MICALL1: variants seen among roughly 807,000 people sequenced by gnomAD.
MICALL1 encodes MICAL-like protein 1.
Under a neutral mutation model 83.7 loss-of-function variants are expected in MICALL1, and 61 were observed. The observed-to-expected ratio is 0.73, with a 90% confidence interval of 0.59 to 0.90. The LOEUF (loss-of-function observed/expected upper bound fraction) is 0.90, where lower values mean the gene tolerates loss of function less well. MICALL1 is among the 40% of genes least tolerant of loss of function. The pLI, the probability that MICALL1 is intolerant of heterozygous loss-of-function variation, is 0.00. For missense variants in MICALL1, 1,066 were observed against 1,152.0 expected (o/e 0.93, Z 1.08); for synonymous variants, 481 against 473.6 (o/e 1.02, Z -0.20).
chr22:37,909,196 G>A (rs759474851), intron 1 of MICALL1, among the ~76,000 whole-genome samples: 1 of 152,044 alleles, frequency 6.6e-6, no homozygotes, highest in Non-Finnish European at 1.5e-5. Flanking sequence ...GGGATTACAG[G>A]CACGCACCAC....
chr22:37,925,696 C>T lies in MICALL1; in HGVS notation c.1118C>T (p.Thr373Met), dbSNP rs1284391323. ...PAPRKDPPWI[T>M]LVQAEPKKKP... is the part of the protein sequence containing the mutation. ...CCCAGGAAGGACCCCCCATGGATCA[C>T]GCTGGTGCAGGCAGAACCAAAGAAG... Residue 373 changes from threonine (T) to methionine (M), a missense_variant, in exon 8 of 16, where the codon ACG becomes ATG. Transcript: ENST00000215957. 8.7e-6 allele frequency: 14 copies of T among 1,609,738 alleles called. No individual in the cohort carries two copies. The highest frequency in any genetic ancestry group is 6.6e-5 in the South Asian group (6 of 90,776).
chr22:37,939,772 T>C (rs1601840649), intron 15 of MICALL1, among the ~76,000 whole-genome samples: 1 of 31,858 alleles, frequency 3.1e-5, no homozygotes, highest in Non-Finnish European at 5.7e-5. Context: ...AGTCTCCGTC[T>C]CAAAAAAAAA....
chr22:37,934,382 G>T (rs1929968571), intron 13 of MICALL1, among the ~76,000 whole-genome samples: 1 of 152,024 alleles, frequency 6.6e-6, no homozygotes, highest in South Asian at 2.1e-4. Flanking sequence ...GTGTAGACTG[G>T]GGACATAACT....
intron 3 of MICALL1, among the ~76,000 whole-genome samples, chr22:37,912,908 G>A (rs926405669): frequency 2.6e-5 from 4 of 150,954 alleles, no homozygotes; most frequent in East Asian, 2.0e-4. Context: ...TGATCTGCCC[G>A]CCTTGGCCTC....
Position 37,930,420 on chromosome 22 carries a change from C to A in MICALL1, c.1882-1379C>A, listed in dbSNP as rs1929725995. On this transcript the variant is annotated intron_variant, in intron 9 of 15. Transcript: ENST00000215957. This position sits in a 1 kb window ranked among gnomAD's most constrained non-coding sequence, Gnocchi z 4.8. ...GTGCCCAGACCTGGGCCCCAGCACC[C>A]TCCCTGCTTCAGAAACCCCAGAGCA... 6.6e-6 allele frequency among the ~76,000 whole-genome samples: 1 copy of A among 152,178 alleles called. No individual in the cohort carries two copies. The highest frequency in any genetic ancestry group is 1.5e-5 in the Non-Finnish European group (1 of 68,022).
At position 37,937,276 on chromosome 22, in the gene MICALL1, T is replaced by A. The variant is rs1601837985; in HGVS notation, c.2423+82T>A. On this transcript the variant is annotated intron_variant, in intron 14 of 15. Coordinates refer to ENST00000215957, the MANE Select transcript of MICALL1 (RefSeq NM_033386.4). ...GGGCCTCATGGGTGGGGCAGCTCCC[T>A]GGAGAGCCAAAGACACAGTCCACGC... 12 of 1,189,804 alleles carry A rather than the reference T, an allele frequency of 1.0e-5. No homozygotes were observed. In the East Asian group the frequency reaches 3.1e-4, roughly 30 times the overall value. 73.7% of individuals were successfully genotyped at this position (1,189,804 alleles called of 1,614,324 possible).
At position 37,932,549 on chromosome 22, in the gene MICALL1, G is replaced by A. The variant is rs1327078674; in HGVS notation, c.2017-4G>A. ...CCGTCAGGTGACCAGGCACTGTTGG[G>A]CAGGTCCAGGCTGACCAGTACATCC... On this transcript the variant is annotated splice_region_variant and splice_polypyrimidine_tract_variant and intron_variant, in intron 10 of 15. Coordinates refer to ENST00000215957, the MANE Select transcript of MICALL1 (RefSeq NM_033386.4). This position sits in a 1 kb window ranked among gnomAD's most constrained non-coding sequence, Gnocchi z 4.4. The A allele has an allele frequency of 3.7e-6, 6 of 1,613,756 alleles. No individual in the cohort carries two copies. The Admixed American group carries it at 1.0e-4, about 27-fold the overall frequency.
intron 7 of MICALL1, among the ~76,000 whole-genome samples, chr22:37,925,312 G>A (rs1339550889): frequency 3.9e-5 from 6 of 152,128 alleles, no homozygotes; most frequent in Non-Finnish European, 4.4e-5. Context: ...CCAACCCTGT[G>A]AGGCAAGGAT....
Position 37,930,464 on chromosome 22 carries a change from T to C in MICALL1, c.1882-1335T>C, listed in dbSNP as rs1929728705. Reference sequence around the variant, plus strand: ...CAGAGCAGCTCCCACCCCGAGAGCCTCTCTCCCTGGGCTGGCACAGGCCTC... The same window carrying C: ...CAGAGCAGCTCCCACCCCGAGAGCCCCTCTCCCTGGGCTGGCACAGGCCTC... On this transcript the variant is annotated intron_variant, in intron 9 of 15. Transcript: ENST00000215957. This position sits in a 1 kb window ranked among gnomAD's most constrained non-coding sequence, Gnocchi z 4.8. Among the ~76,000 whole-genome samples, 1 of 152,154 alleles carries C rather than the reference T, an allele frequency of 6.6e-6. No individual in the cohort carries two copies. Among genetic ancestry groups the C allele is most frequent in the Admixed American group, 6.5e-5 (1 of 15,270 alleles).
At chr22:37,939,170 T>C (rs1252980631) in intron 15 of MICALL1, among the ~76,000 whole-genome samples, 1 of 152,186 alleles carries the variant, frequency 6.6e-6, no homozygotes, top group Non-Finnish European at 1.5e-5. Flanking sequence ...CTGGCACTTA[T>C]GAGCTGGGTG....
At chr22:37,928,968 C>G (rs981759770) in intron 9 of MICALL1, among the ~76,000 whole-genome samples, 5 of 152,066 alleles carry the variant, frequency 3.3e-5, no homozygotes, top group Non-Finnish European at 7.4e-5. Context: ...ACTAAAAATA[C>G]AAAAATTAGC....
chr22:37,912,964 C>CTT (rs759798391), intron 3 of MICALL1, among the ~76,000 whole-genome samples: 7 of 135,440 alleles, frequency 5.2e-5, no homozygotes, highest in Admixed American at 7.5e-5. Flanking sequence ...CCCAGTCCCA[C>CTT]TTTTTTTTTT....
chr22:37,922,601 A>ATTTTTTTTT (rs1198282750), intron 6 of MICALL1, among the ~76,000 whole-genome samples, 175 bp downstream of exon 6: 4 of 31,946 alleles, frequency 1.3e-4, no homozygotes, highest in African/African-American at 3.2e-4. Context: ...ATATATATAT[A>ATTTTTTTTT]TTTTTTTTTT....
chr22:37,912,060 T>C (rs1928364061), intron 2 of MICALL1, 60 bp downstream of exon 2: 3 of 1,583,642 alleles, frequency 1.9e-6, no homozygotes, highest in Non-Finnish European at 2.6e-6. Context: ...TGTGTGTGTG[T>C]GTGTTTGGTG....
intron 8 of MICALL1, 193 bp from the exon 9 acceptor site, chr22:37,927,218 G>A (rs1328960312): frequency 1.8e-5 from 11 of 601,080 alleles, no homozygotes; most frequent in Non-Finnish European, 2.5e-5. Flanking sequence ...GGTTGGACTC[G>A]GGTGGCTGGA....
intron 15 of MICALL1, among the ~76,000 whole-genome samples, chr22:37,938,343 A>AGT (rs1335166609): frequency 1.3e-5 from 2 of 148,290 alleles, no homozygotes; most frequent in Non-Finnish European, 3.0e-5. Context: ...TGGAGCTTGC[A>AGT]GTGAGCCGAG....
In MICALL1 at chr22:37,934,183, G is replaced by A. The variant is rs562459041; in HGVS notation, c.2308+1071G>A. Among the ~76,000 whole-genome samples the A allele has an allele frequency of 3.6e-4, 55 of 152,338 alleles. 2 individuals are homozygous for A. The South Asian group carries it at 9.1e-3, about 25-fold the overall frequency. ...TCCAGCCCCCGTGTGGTGGCTGTGCGTCCCGGGCTTGTCAGCCTGTCCCGG... is the reference window on the plus strand; with the variant it reads ...TCCAGCCCCCGTGTGGTGGCTGTGCATCCCGGGCTTGTCAGCCTGTCCCGG... On this transcript the variant is annotated intron_variant, in intron 13 of 15. Transcript: ENST00000215957.
At chr22:37,940,014 A>G (rs1349136889) in intron 15 of MICALL1, among the ~76,000 whole-genome samples, 1 of 151,414 alleles carries the variant, frequency 6.6e-6, no homozygotes, top group African/African-American at 2.4e-5. Flanking sequence ...TTCTTGAACC[A>G]GGAGGCAGAG....
At chr22:37,934,121 C>T (rs1473178702) in intron 13 of MICALL1, among the ~76,000 whole-genome samples, 2 of 152,234 alleles carry the variant, frequency 1.3e-5, no homozygotes, top group African/African-American at 4.8e-5. Context: ...TCCTCTGCCT[C>T]CCTGGCTAGC....
Sources: gnomAD v4.1 joint callset for allele counts (sites outside exome capture counted in the v4.1 genomes callset) on GRCh38, gnomAD v4.1.1 for gene constraint, Gnocchi (gnomAD v3.1) non-coding constraint, MANE v1.5 for transcripts, NCBI Gene and HGNC (gene_info 2026-07-23, HGNC 2026-07-21) for gene names.